Variants in SMAP1 observed in about 807,000 individuals in gnomAD.
SMAP1 encodes stromal membrane-associated protein 1.
In SMAP1, 24 loss-of-function variants were observed where a neutral mutation model predicts 58.5. The observed-to-expected ratio is 0.41, with a 90% confidence interval of 0.30 to 0.58. The LOEUF is 0.58. Ranked by LOEUF, SMAP1 falls within the 20% of genes least tolerant of loss-of-function variation. The probability of loss-of-function intolerance (pLI) is 0.29; values close to 1 mark genes in which losing one functional copy is unlikely to be tolerated. For missense variants in SMAP1, 563 were observed against 566.3 expected (o/e 0.99, Z 0.06); for synonymous variants, 216 against 196.6 (o/e 1.10, Z -0.82).
chr6:70,758,896 T>C (rs1182625969), intron 3 of SMAP1, among the ~76,000 whole-genome samples: 3 of 152,114 alleles, frequency 2.0e-5, no homozygotes, highest in African/African-American at 7.2e-5. Context: ...AAATGAAAGA[T>C]AATGAGCCAT....
At chr6:70,759,567 C>T (rs1055306830) in intron 3 of SMAP1, among the ~76,000 whole-genome samples, 3 of 151,978 alleles carry the variant, frequency 2.0e-5, no homozygotes, top group African/African-American at 7.2e-5. Flanking sequence ...CAGTATATAT[C>T]TTCTTGGTAT....
intron 3 of SMAP1, among the ~76,000 whole-genome samples, chr6:70,756,511 G>A (rs1245519380): frequency 6.6e-6 from 1 of 152,014 alleles, no homozygotes; most frequent in Non-Finnish European, 1.5e-5. Flanking sequence ...TTCATTTCAG[G>A]TATAAAAAAT....
At chr6:70,705,934 C>G (rs1049198498) in intron 1 of SMAP1, among the ~76,000 whole-genome samples, 1 of 152,170 alleles carries the variant, frequency 6.6e-6, no homozygotes, top group African/African-American at 2.4e-5. Context: ...AGCTGTTATA[C>G]TGCCTTTAGT....
chr6:70,782,649 T>G (rs1767811323), intron 4 of SMAP1, among the ~76,000 whole-genome samples: 1 of 152,172 alleles, frequency 6.6e-6, no homozygotes, highest in Non-Finnish European at 1.5e-5. Context: ...GACAGCCTAT[T>G]TTGGGACCTT....
At chr6:70,727,227 G>A (rs975714462) in intron 1 of SMAP1, among the ~76,000 whole-genome samples, 1 of 152,026 alleles carries the variant, frequency 6.6e-6, no homozygotes, top group Non-Finnish European at 1.5e-5. Context: ...TCACACCTCA[G>A]CCTCCTGAGT....
chr6:70,758,054 TAA>T (rs911515566), intron 3 of SMAP1, among the ~76,000 whole-genome samples: 4 of 151,986 alleles, frequency 2.6e-5, no homozygotes, highest in Non-Finnish European at 4.4e-5. Flanking sequence ...CTTGCTGCTA[TAA>T]AGACACATGC....
At chr6:70,773,495 C>A (rs2149915012) in intron 4 of SMAP1, 70 bp downstream of exon 4, 2 of 811,912 alleles carry the variant, frequency 2.5e-6, no homozygotes, top group Non-Finnish European at 1.9e-6. Flanking sequence ...TGCAATACAG[C>A]TTAATTTATT....
At chr6:70,836,836 A>AT (rs942520329) in intron 6 of SMAP1, 105 bp from the exon 7 acceptor site, 205 of 895,924 alleles carry the variant, frequency 2.3e-4, no homozygotes, top group Middle Eastern at 2.2e-3. Flanking sequence ...TATGTTTCAT[A>AT]TTTTTTTTAC....
intron 6 of SMAP1, among the ~76,000 whole-genome samples, chr6:70,828,932 G>A (rs1455698499): frequency 6.6e-6 from 1 of 152,180 alleles, no homozygotes; most frequent in Non-Finnish European, 1.5e-5. Flanking sequence ...TATAGTTCCA[G>A]CTACTTGGGA....
In SMAP1 at chr6:70,861,713, G is replaced by A. The variant is rs767450003; in HGVS notation, c.*1379G>A. On this transcript the variant is annotated 3_prime_UTR_variant, in exon 11 of 11. Coordinates refer to ENST00000370455, the MANE Select transcript of SMAP1 (RefSeq NM_001044305.3). ...AGGTGGTACTTTGGCTCGTTGGCTA[G>A]ATTAACCTTCTCTGTCCGAGTGTGC... 1.2e-6 allele frequency: 2 copies of A among 1,614,088 alleles called. No individual in the cohort carries two copies. The highest frequency in any genetic ancestry group is 8.5e-7 in the Non-Finnish European group (1 of 1,179,984).
intron 7 of SMAP1, among the ~76,000 whole-genome samples, chr6:70,851,351 A>G (rs1162438272): frequency 6.6e-6 from 1 of 152,234 alleles, no homozygotes; most frequent in African/African-American, 2.4e-5. Flanking sequence ...TTGTGGTGGA[A>G]ATATGAATGA....
At chr6:70,823,960 A>G (rs937319287) in intron 6 of SMAP1, among the ~76,000 whole-genome samples, 4 of 151,276 alleles carry the variant, frequency 2.6e-5, no homozygotes, top group South Asian at 4.2e-4. Context: ...GGGCCACCCT[A>G]TGACCTGGAT....
At chr6:70,839,528 C>T (rs530608220) in intron 7 of SMAP1, among the ~76,000 whole-genome samples, 28 of 152,220 alleles carry the variant, frequency 1.8e-4, no homozygotes, top group African/African-American at 6.5e-4. Flanking sequence ...ATTTTCAGGA[C>T]AGTGTCTTTA....
At chr6:70,751,890 T>G (rs1173042601) in intron 2 of SMAP1, among the ~76,000 whole-genome samples, 1 of 152,160 alleles carries the variant, frequency 6.6e-6, no homozygotes, top group Non-Finnish European at 1.5e-5. Flanking sequence ...ACATGTCACT[T>G]ATCCCCTCCA....
intron 3 of SMAP1, among the ~76,000 whole-genome samples, chr6:70,770,542 G>A (rs893186921): frequency 1.3e-5 from 2 of 151,900 alleles, no homozygotes; most frequent in African/African-American, 4.8e-5. Context: ...TGATTGCATC[G>A]GCTCCTGAGG....
chr6:70,777,747 T>G (rs1767604047), intron 4 of SMAP1, among the ~76,000 whole-genome samples: 1 of 151,928 alleles, frequency 6.6e-6, no homozygotes, highest in African/African-American at 2.4e-5. Context: ...ATTTAAGTCT[T>G]CATTATTAAG....
chr6:70,686,520 G>A (rs1562092714), intron 1 of SMAP1, among the ~76,000 whole-genome samples: 1 of 152,118 alleles, frequency 6.6e-6, no homozygotes, highest in Non-Finnish European at 1.5e-5. Context: ...TGAATAAACT[G>A]ATACAGTTGA....
intron 6 of SMAP1, among the ~76,000 whole-genome samples, chr6:70,819,568 T>G (rs546495264): frequency 6.6e-6 from 1 of 152,296 alleles, no homozygotes; most frequent in Non-Finnish European, 1.5e-5. Flanking sequence ...TCTCCCTTTA[T>G]TCTTCTCCAA....
rs148144958 is a variant in SMAP1, at chr6:70,699,083, C to G, written c.118+30942C>G. The stretch of plus-strand genomic sequence containing the variant: ...AGGAATTGAGTGTCCTGATCTAAGT[C>G]TTTGCTTATTGCAGCTGCATCTGCA... On this transcript the variant is annotated intron_variant, in intron 1 of 10. Coordinates refer to ENST00000370455, the MANE Select transcript of SMAP1 (RefSeq NM_001044305.3). Among the ~76,000 whole-genome samples the G allele has an allele frequency of 8.2e-3, 1,255 of 152,306 alleles. 14 individuals are homozygous for G. The highest frequency in any genetic ancestry group is 0.029 in the African/African-American group (1,201 of 41,558).
Sources: gnomAD v4.1 joint callset for allele counts (sites outside exome capture counted in the v4.1 genomes callset) on GRCh38, gnomAD v4.1.1 for gene constraint, MANE v1.5 for transcripts, NCBI Gene and HGNC (gene_info 2026-07-23, HGNC 2026-07-21) for gene names.